WDR36: variants seen among roughly 807,000 people sequenced by gnomAD.
WDR36 encodes WD repeat domain 36, also known as WD repeat-containing protein 36.
Under a neutral mutation model 112.7 loss-of-function variants are expected in WDR36, and 63 were observed. The ratio of observed to expected loss-of-function variants is 0.56; its 90% confidence interval spans 0.46 to 0.69. The LOEUF is 0.69. Ranked by LOEUF, WDR36 falls within the 30% of genes least tolerant of loss-of-function variation. The pLI is 0.00. For synonymous variants in WDR36, 410 were observed against 362.2 expected, an observed-to-expected ratio of 1.13 and a Z score of -1.50; for missense variants, 1,226 against 1,070.3, an observed-to-expected ratio of 1.15 and a Z score of -2.03.
At chr5:111,105,644 AC>A (rs1554108573) in intron 10 of WDR36, among the ~76,000 whole-genome samples, 1 of 151,534 alleles carries the variant, frequency 6.6e-6, no homozygotes, top group Non-Finnish European at 1.5e-5. Context: ...TGTAGAGTGC[AC>A]AGTTTTTAAA....
At chr5:111,116,309 C>A (rs1397645476) in intron 16 of WDR36, among the ~76,000 whole-genome samples, 1 of 152,000 alleles carries the variant, frequency 6.6e-6, no homozygotes, top group African/African-American at 2.4e-5. Context: ...TAGAATTTTT[C>A]ATTTGTTCTG....
intron 3 of WDR36, among the ~76,000 whole-genome samples, chr5:111,097,923 C>A (rs1753027190): frequency 6.6e-6 from 1 of 152,112 alleles, no homozygotes; most frequent in Non-Finnish European, 1.5e-5. Flanking sequence ...GGAAGGTGTT[C>A]AGATTTTTAG....
rs1000428303 is a variant in WDR36 at position 111,129,817 on chromosome 5, A to T, written c.*2934A>T. On this transcript the variant is annotated 3_prime_UTR_variant, in exon 23 of 23. Coordinates refer to ENST00000513710, the MANE Select transcript of WDR36 (RefSeq NM_139281.3). ...TACATGTGCTCATTTCACGTCATGT[A>T]TTTTCCTCTACGACATGTTTCTGTG... 1.9e-5 allele frequency: 4 copies of T among 205,916 alleles called. No homozygotes were observed. Among genetic ancestry groups the T allele is most frequent in the African/African-American group, 9.1e-5 (4 of 43,826 alleles). 12.8% of individuals were successfully genotyped at this position (205,916 alleles called of 1,614,324 possible).
intron 18 of WDR36, among the ~76,000 whole-genome samples, 170 bp from the exon 19 acceptor site, chr5:111,120,826 T>G (rs767747360): frequency 1.3e-5 from 2 of 152,152 alleles, no homozygotes; most frequent in East Asian, 3.8e-4. Context: ...ATGGGAGTTT[T>G]AGTTAATATG....
At chr5:111,114,319 G>A (rs1011024232) in intron 16 of WDR36, among the ~76,000 whole-genome samples, 1 of 152,298 alleles carries the variant, frequency 6.6e-6, no homozygotes, top group Middle Eastern at 3.4e-3. Context: ...TGAGAAAAAT[G>A]AGAAGGAAGG....
chr5:111,110,564 C>G (rs970120865), intron 13 of WDR36, among the ~76,000 whole-genome samples: 3 of 151,332 alleles, frequency 2.0e-5, no homozygotes, highest in African/African-American at 7.3e-5. Flanking sequence ...TCTTAACAAA[C>G]TTTTCAAACC....
At chr5:111,116,958 C>CT (rs1308084304) in intron 16 of WDR36, among the ~76,000 whole-genome samples, 1 of 152,166 alleles carries the variant, frequency 6.6e-6, no homozygotes, top group African/African-American at 2.4e-5. Context: ...AAGGAAATAC[C>CT]TTAAGATTTG....
At chr5:111,126,673 A>G (rs1041383600) in intron 22 of WDR36, 61 bp from the exon 23 acceptor site, 1 of 1,571,220 alleles carries the variant, frequency 6.4e-7, no homozygotes, top group Non-Finnish European at 8.7e-7. Flanking sequence ...GAAAAATTGA[A>G]TCCAGATTAG....
intron 12 of WDR36, among the ~76,000 whole-genome samples, chr5:111,107,874 C>T (rs774417418): frequency 1.1e-4 from 17 of 151,350 alleles, no homozygotes; most frequent in Non-Finnish European, 2.2e-4. Context: ...ACCACACTGT[C>T]TTGATTTTGA....
chr5:111,116,032 T>C (rs968256379), intron 16 of WDR36, among the ~76,000 whole-genome samples: 1 of 151,512 alleles, frequency 6.6e-6, no homozygotes, highest in African/African-American at 2.4e-5. Flanking sequence ...AACCACCGTC[T>C]CCCAGGTTCA....
chr5:111,103,680 A>G (rs1218302417), intron 6 of WDR36, 106 bp from the exon 7 acceptor site: 2 of 1,415,004 alleles, frequency 1.4e-6, no homozygotes, highest in African/African-American at 1.4e-5. Flanking sequence ...CTTTTAGAAG[A>G]TACTTCATTA....
In WDR36 at chr5:111,113,052, A is replaced by ATTTT. The variant is rs201180028; in HGVS notation, c.1717-13_1717-10dup. On this transcript the variant is annotated intron_variant, in intron 15 of 22. Transcript: ENST00000513710. Reference sequence around the variant, plus strand: ...ATATAAATAATATATATATATATATATTTTTTTTTTTTAATTTAAAGGCTT... The same window carrying ATTTT: ...ATATAAATAATATATATATATATATATTTTTTTTTTTTTTTTAATTTAAAGGCTT... 6.5e-4 allele frequency: 307 copies of ATTTT among 473,470 alleles called. 2 individuals are homozygous for ATTTT. Among genetic ancestry groups the ATTTT allele is most frequent in the Admixed American group, 5.4e-3 (119 of 21,982 alleles). 29.3% of individuals were successfully genotyped at this position (473,470 alleles called of 1,614,324 possible).
In WDR36 at chr5:111,126,981, C is replaced by A; in HGVS notation, c.*98C>A. Reference sequence around the variant, plus strand: ...TGTCAATGTGAAAAGAAAATAAATGCTAGCACTACTGACTAGTCAGTATAT... The same window carrying A: ...TGTCAATGTGAAAAGAAAATAAATGATAGCACTACTGACTAGTCAGTATAT... On this transcript the variant is annotated 3_prime_UTR_variant, in exon 23 of 23. Transcript: ENST00000513710. The A allele has an allele frequency of 8.5e-7, 1 of 1,178,910 alleles. No homozygotes were observed. The highest frequency in any genetic ancestry group is 1.6e-5 in the South Asian group (1 of 62,506). 73.0% of individuals were successfully genotyped at this position (1,178,910 alleles called of 1,614,324 possible).
chr5:111,093,452 G>T (rs541545097), intron 1 of WDR36, among the ~76,000 whole-genome samples: 2 of 152,214 alleles, frequency 1.3e-5, no homozygotes, highest in African/African-American at 4.8e-5. Flanking sequence ...TTAGCAAAAA[G>T]AGCTGGGAGG....
At chr5:111,116,404 A>C (rs1395777231) in intron 16 of WDR36, among the ~76,000 whole-genome samples, 1 of 152,240 alleles carries the variant, frequency 6.6e-6, no homozygotes, top group Non-Finnish European at 1.5e-5. Context: ...CTGAGGCAGA[A>C]ACATCCCCTT....
chr5:111,099,688 G>A (rs1753079678), intron 4 of WDR36, among the ~76,000 whole-genome samples: 1 of 151,866 alleles, frequency 6.6e-6, no homozygotes, highest in South Asian at 2.1e-4. Context: ...TCTTGAACCA[G>A]TATATTCAGG....
chr5:111,101,110 G>A (rs1037545830), intron 5 of WDR36, among the ~76,000 whole-genome samples: 27 of 151,870 alleles, frequency 1.8e-4, no homozygotes, highest in African/African-American at 6.5e-4. Context: ...TTTGGTATCA[G>A]CAGAGAAGTT....
chr5:111,117,194 T>A (rs1434586682), intron 16 of WDR36, among the ~76,000 whole-genome samples: 1 of 152,240 alleles, frequency 6.6e-6, no homozygotes, highest in East Asian at 1.9e-4. Flanking sequence ...TATTGCTCCC[T>A]TCCCCATAAT....
rs1364129100 is a variant in WDR36, at chr5:111,106,212, A to G, written c.1180+69A>G. On this transcript the variant is annotated intron_variant, in intron 11 of 22. Coordinates refer to ENST00000513710, the MANE Select transcript of WDR36 (RefSeq NM_139281.3). Reference sequence around the variant, plus strand: ...TTTATTTCCTACTGTATGCTGTTTTATTTTCTGTTTTAATAAATGCTTTTA... The same window carrying G: ...TTTATTTCCTACTGTATGCTGTTTTGTTTTCTGTTTTAATAAATGCTTTTA... 4 of 1,353,234 alleles carry G rather than the reference A, an allele frequency of 3.0e-6. No homozygotes were observed. The African/African-American group carries it at 5.8e-5, about 20-fold the overall frequency. 83.8% of individuals were successfully genotyped at this position (1,353,234 alleles called of 1,614,324 possible). A position where few individuals can be genotyped will look rare whatever the true frequency, so the allele number is the denominator to read the frequency against.
Sources: gnomAD v4.1 joint callset for allele counts (sites outside exome capture counted in the v4.1 genomes callset) on GRCh38, gnomAD v4.1.1 for gene constraint, MANE v1.5 for transcripts, NCBI Gene and HGNC (gene_info 2026-07-23, HGNC 2026-07-21) for gene names.